Variants in MAST4 observed in about 807,000 individuals in gnomAD.
MAST4 encodes microtubule associated serine/threonine kinase family member 4.
In MAST4, 89 loss-of-function variants were observed where a neutral mutation model predicts 162.7. The observed-to-expected ratio is 0.55, with a 90% CI of 0.46 to 0.65. The LOEUF (loss-of-function observed/expected upper bound fraction) is 0.65, where lower values mean the gene tolerates loss of function less well. Among genes scored for constraint, MAST4 ranks in the 30% least tolerant of loss-of-function variants. MAST4 has a pLI of 0.00. For missense variants in MAST4, 3,153 were observed against 3,374.0 expected (o/e 0.93, Z 1.62); for synonymous variants, 1,479 against 1,361.1 (o/e 1.09, Z -1.91).
At chr5:67,030,494 T>C (rs1561551936) in intron 4 of MAST4, among the ~76,000 whole-genome samples, 1 of 152,130 alleles carries the variant, frequency 6.6e-6, no homozygotes, top group African/African-American at 2.4e-5. Context: ...TGAGTGACAT[T>C]TTAACTCAGA....
At chr5:66,632,031 T>C (rs1299959270) in intron 1 of MAST4, among the ~76,000 whole-genome samples, 2 of 152,184 alleles carry the variant, frequency 1.3e-5, no homozygotes, top group African/African-American at 4.8e-5. Flanking sequence ...TTTGAGTTTT[T>C]ATTACAGTGA....
intron 3 of MAST4, among the ~76,000 whole-genome samples, chr5:66,864,344 T>C (rs1366227493): frequency 6.6e-6 from 1 of 152,008 alleles, no homozygotes; most frequent in Non-Finnish European, 1.5e-5. Context: ...AGATCCTGTG[T>C]TGAGAACATT....
intron 4 of MAST4, among the ~76,000 whole-genome samples, chr5:67,030,267 C>T (rs137928075): frequency 9.9e-4 from 150 of 152,084 alleles, no homozygotes; most frequent in Admixed American, 1.6e-3. Context: ...TGGTGTGATA[C>T]CTGTATTCCG....
chr5:67,033,017 C>G (rs1052767112), intron 4 of MAST4, among the ~76,000 whole-genome samples: 1 of 151,298 alleles, frequency 6.6e-6, no homozygotes, highest in African/African-American at 2.4e-5. Context: ...TACTTTTTGC[C>G]CTGTTCTAAC....
intron 4 of MAST4, among the ~76,000 whole-genome samples, chr5:66,907,194 A>AGAGAGAGT (rs1763420051): frequency 7.2e-6 from 1 of 138,756 alleles, no homozygotes; most frequent in Non-Finnish European, 1.6e-5. Context: ...AGAGAGAGAG[A>AGAGAGAGT]GAGAGAGAGA....
At chr5:67,144,227 C>T (rs1770766169) in intron 21 of MAST4, among the ~76,000 whole-genome samples, 1 of 152,206 alleles carries the variant, frequency 6.6e-6, no homozygotes, top group Non-Finnish European at 1.5e-5. Flanking sequence ...TGTTTGCACT[C>T]AATTCCAATT....
chr5:67,014,139 A>G (rs1753011496), intron 4 of MAST4, among the ~76,000 whole-genome samples: 1 of 151,796 alleles, frequency 6.6e-6, no homozygotes, highest in Non-Finnish European at 1.5e-5. Context: ...CTACTTAACT[A>G]TTCCCTATCC....
At chr5:66,713,297 T>A (rs1252394221) in intron 1 of MAST4, among the ~76,000 whole-genome samples, 1 of 152,186 alleles carries the variant, frequency 6.6e-6, no homozygotes, top group Non-Finnish European at 1.5e-5. Context: ...CTTTCCTGGG[T>A]CACACAGTAA....
intron 11 of MAST4, among the ~76,000 whole-genome samples, chr5:67,113,170 C>T (rs1336524698): frequency 1.1e-4 from 17 of 151,796 alleles, no homozygotes; most frequent in African/African-American, 3.9e-4. Context: ...AAAAATTAGC[C>T]GGGCGTGGTG....
intron 1 of MAST4, among the ~76,000 whole-genome samples, chr5:66,650,706 A>C (rs540200622): frequency 6.6e-6 from 1 of 152,336 alleles, no homozygotes; most frequent in South Asian, 2.1e-4. Context: ...GTTAGCCCAA[A>C]TACACACATG....
chr5:66,981,497 G>A (rs149136609), intron 4 of MAST4, among the ~76,000 whole-genome samples: 4 of 152,326 alleles, frequency 2.6e-5, no homozygotes, highest in East Asian at 3.9e-4. Flanking sequence ...ATGGAAGGAT[G>A]GGGGTGGGGA....
chr5:66,852,334 G>A (rs1258543820), intron 3 of MAST4, among the ~76,000 whole-genome samples: 2 of 152,088 alleles, frequency 1.3e-5, no homozygotes, highest in African/African-American at 2.4e-5. Flanking sequence ...TTGTTGAGAC[G>A]GGGTTTTGCC....
intron 3 of MAST4, among the ~76,000 whole-genome samples, chr5:66,837,934 G>A (rs1232215303): frequency 7.5e-6 from 1 of 132,680 alleles, no homozygotes; most frequent in Non-Finnish European, 1.5e-5. Context: ...GAGGTGTTTG[G>A]AAGGTGGATA....
intron 4 of MAST4, among the ~76,000 whole-genome samples, chr5:66,996,313 C>T (rs149526183): frequency 2.1e-4 from 32 of 152,006 alleles, no homozygotes; most frequent in Admixed American, 6.6e-4. Flanking sequence ...TTGTTGATTT[C>T]CATCGTTTTT....
chr5:66,945,215 G>T (rs748836490), intron 4 of MAST4, among the ~76,000 whole-genome samples: 1 of 152,150 alleles, frequency 6.6e-6, no homozygotes, highest in Non-Finnish European at 1.5e-5. Flanking sequence ...ATTGGGTCAA[G>T]ATATCACTGA....
chr5:66,650,209 T>C (rs1185999024), intron 1 of MAST4, among the ~76,000 whole-genome samples: 2 of 152,134 alleles, frequency 1.3e-5, no homozygotes, highest in Non-Finnish European at 2.9e-5. Context: ...CTTCAAGCTG[T>C]GGTCTGGCCA....
At chr5:66,986,543 C>CT in intron 4 of MAST4, 1 of 1,427,406 alleles carries the variant, frequency 7.0e-7, no homozygotes, top group Non-Finnish European at 9.4e-7. Context: ...CTTTCCAGTA[C>CT]TTTCTCTCTG....
chr5:66,958,541 A>C (rs1745597335), intron 4 of MAST4, among the ~76,000 whole-genome samples: 2 of 152,222 alleles, frequency 1.3e-5, no homozygotes. Flanking sequence ...TATCTCTTGC[A>C]TTTCCAGTTG....
At chr5:67,043,355 T>C (rs1159027389) in intron 4 of MAST4, among the ~76,000 whole-genome samples, 1 of 152,182 alleles carries the variant, frequency 6.6e-6, no homozygotes, top group Non-Finnish European at 1.5e-5. Flanking sequence ...TAAGGACATC[T>C]CCCAATCAAG....
Sources: allele counts gnomAD v4.1 joint callset (sites outside exome capture counted in the v4.1 genomes callset), GRCh38; gene constraint gnomAD v4.1.1; transcripts MANE v1.5; gene names NCBI Gene and HGNC (gene_info 2026-07-23, HGNC 2026-07-21).